MROH2A: variants seen among roughly 807,000 people sequenced by gnomAD.
MROH2A encodes maestro heat like repeat family member 2A, also known as maestro heat-like repeat-containing protein family member 2A.
Under a neutral mutation model 200.4 loss-of-function variants are expected in MROH2A, and 174 were observed. That is an observed-to-expected ratio of 0.87 (90% confidence interval 0.77 to 0.98). The LOEUF (loss-of-function observed/expected upper bound fraction) is 0.98. Ranked by LOEUF, MROH2A falls within the 50% of genes least tolerant of loss-of-function variation. The pLI is 0.00. For synonymous variants in MROH2A, 829 were observed against 840.4 expected, an observed-to-expected ratio of 0.99 and a Z score of 0.23; for missense variants, 2,045 against 2,139.6, an observed-to-expected ratio of 0.96 and a Z score of 0.87.
At chr2:233,814,538 G>A (rs1703387005) in intron 25 of MROH2A, 44 bp from the exon 26 acceptor site, 1 of 1,433,818 alleles carries the variant, frequency 7.0e-7, no homozygotes, top group Non-Finnish European at 9.6e-7. Flanking sequence ...GGGGTTGTGG[G>A]TGCCCCTCAT....
rs1019652149 is a variant in MROH2A, at chr2:233,805,186, C to T, written c.2052+75C>T. ...GGTGAGGGAGTGGAGAGGATAACAC[C>T]GTGTGTGTGAGATCAGCTGGACCTG... On this transcript the variant is annotated intron_variant, in intron 19 of 41. Transcript: ENST00000389758. The T allele has an allele frequency of 6.8e-5, 67 of 978,610 alleles. No homozygotes were observed. The African/African-American group carries it at 7.8e-4, about 11-fold the overall frequency. The allele number at this position is 978,610 out of a possible 1,614,324, so 60.6% of individuals were successfully genotyped here.
rs11563102 is a variant in MROH2A at position 233,818,764 on chromosome 2, C to A, written c.3198C>A (p.Ile1066=). ...VEKIFCASSR[I]AKVVCMEFSC... is the part of the protein sequence containing the mutation. The stretch of plus-strand genomic sequence containing the variant: ...AGATCTTCTGTGCATCCTCCAGAAT[C>A]GCCAAGGTGACAGCCGGGGAGCCTG... The change falls in exon 29 of 42, where the codon ATC becomes ATA. Residue 1066 remains isoleucine (I), a synonymous_variant. Transcript: ENST00000389758. 0.026 allele frequency: 40,159 copies of A among 1,542,864 alleles called. 775 individuals are homozygous for A. The highest frequency in any genetic ancestry group is 0.088 in the Admixed American group (4,465 of 50,924).
chr2:233,806,938 C>G (rs1320738267), intron 19 of MROH2A, among the ~76,000 whole-genome samples: 1 of 152,206 alleles, frequency 6.6e-6, no homozygotes, highest in East Asian at 1.9e-4. Context: ...TATCCCCCAC[C>G]CCTTTCCTAC....
intron 14 of MROH2A, 65 bp from the exon 15 acceptor site, chr2:233,802,103 G>A (rs976171184): frequency 4.7e-6 from 7 of 1,476,838 alleles, no homozygotes; most frequent in Admixed American, 4.4e-5. Flanking sequence ...GAGCCTGACT[G>A]TTCTCCTTAG....
Position 233,798,902 on chromosome 2 carries a change from G to A in MROH2A, c.1329+52G>A, listed in dbSNP as rs900034727. The A allele has an allele frequency of 6.3e-6, 9 of 1,433,788 alleles. No homozygotes were observed. The African/African-American group carries it at 1.1e-4, about 18-fold the overall frequency. 88.8% of individuals were successfully genotyped at this position (1,433,788 alleles called of 1,614,324 possible). A position where few individuals can be genotyped will look rare whatever the true frequency, so the allele number is the denominator to read the frequency against. On this transcript the variant is annotated intron_variant, in intron 12 of 41. Transcript: ENST00000389758. The stretch of plus-strand genomic sequence containing the variant: ...GGGGCACTCAGGGGACCCTGCCAGG[G>A]AGGCAAAGGGAAGTCTGGGCTCTGG...
intron 15 of MROH2A, 136 bp downstream of exon 15, chr2:233,802,451 T>A: frequency 1.1e-6 from 1 of 934,990 alleles, no homozygotes; most frequent in Non-Finnish European, 1.6e-6. Flanking sequence ...AAATTAATAC[T>A]ATTAATGCCT....
At chr2:233,813,809 G>A (rs1229504451) in intron 25 of MROH2A, 31 bp downstream of exon 25, 4 of 1,292,436 alleles carry the variant, frequency 3.1e-6, no homozygotes, top group Admixed American at 4.0e-5. Flanking sequence ...TCATTTGCTG[G>A]GTCAGGACCT....
At chr2:233,811,734 A>G in intron 23 of MROH2A, 146 bp from the exon 24 acceptor site, 1 of 642,618 alleles carries the variant, frequency 1.6e-6, no homozygotes, top group African/African-American at 1.8e-5. Flanking sequence ...CTAAGATGCC[A>G]AAAGCCAAAT....
At position 233,819,397 on chromosome 2, in the gene MROH2A, G is replaced by A. The variant is rs1177405207; in HGVS notation, c.3285G>A (p.Leu1095=). 1 of 1,550,584 alleles carries A rather than the reference G, an allele frequency of 6.4e-7. No homozygotes were observed. The highest frequency in any genetic ancestry group is 8.7e-7 in the Non-Finnish European group (1 of 1,146,956). The change falls in exon 30 of 42, where the codon CTG becomes CTA. Residue 1095 remains leucine (L), a synonymous_variant. Transcript: ENST00000389758. ...KLCENTGAMN[L]QHDKASVTWI... ...GCGAGAACACTGGGGCCATGAACCT[G>A]CAGCATGACAAGGCCTCTGTCACCT...
intron 3 of MROH2A, among the ~76,000 whole-genome samples, chr2:233,783,942 T>A (rs1221234059): frequency 6.6e-6 from 1 of 152,176 alleles, no homozygotes; most frequent in Non-Finnish European, 1.5e-5. Flanking sequence ...TCTTTTTTTT[T>A]TATTTATTTA....
chr2:233,818,736 A>G lies in MROH2A; in HGVS notation c.3170A>G (p.Glu1057Gly), dbSNP rs1251263568. Residue 1057 changes from glutamate to glycine, a missense_variant, in exon 29 of 42, where the codon GAG becomes GGG. Physicochemically the swap from Glu to Gly is moderately conservative, Grantham distance 98 (BLOSUM62 -2). Around this residue, in one of 3 missense-constraint regions of MROH2A, gnomAD observed 1,201 missense variants for 1,311.3 expected, o/e 0.92. Transcript: ENST00000389758. Reference protein sequence around the residue: ...CKGDLQSTDVEKIFCASSRIA... With the variant: ...CKGDLQSTDVGKIFCASSRIA... Reference sequence around the variant, plus strand: ...GGGGACCTCCAGAGCACAGATGTGGAGAAGATCTTCTGTGCATCCTCCAGA... The same window carrying G: ...GGGGACCTCCAGAGCACAGATGTGGGGAAGATCTTCTGTGCATCCTCCAGA... The G allele has an allele frequency of 6.5e-7, 1 of 1,549,484 alleles. No homozygotes were observed. Among genetic ancestry groups the G allele is most frequent in the South Asian group, 1.2e-5 (1 of 84,014 alleles).
At position 233,824,652 on chromosome 2, in the gene MROH2A, C is replaced by T. The variant is rs28900692; in HGVS notation, c.4113+988C>T. Among the ~76,000 whole-genome samples the T allele has an allele frequency of 1.1e-4, 16 of 152,356 alleles. No individual in the cohort carries two copies. The East Asian group carries it at 3.1e-3, about 29-fold the overall frequency. On this transcript the variant is annotated intron_variant, in intron 35 of 41. Coordinates refer to ENST00000389758, the MANE Select transcript of MROH2A (RefSeq NM_001394639.1). ...GATGAAGTTACTTAGCGTCTCTGAG[C>T]TTCAAGCTCTCCATCTGCCCAACTG...
Position 233,819,315 on chromosome 2 carries a change from A to T in MROH2A, c.3205-2A>T, listed in dbSNP as rs1450057705. On this transcript the variant is annotated splice_acceptor_variant, in intron 29 of 41. Transcript: ENST00000389758. LOFTEE classifies it high-confidence loss of function. ...CAGGGGAGTCACCCGCTCTGCTCCT[A>T]GGTGGTCTGCATGGAGTTTAGCTGC... 9 of 1,549,700 alleles carry T rather than the reference A, an allele frequency of 5.8e-6. No individual in the cohort carries two copies. The highest frequency in any genetic ancestry group is 7.9e-6 in the Non-Finnish European group (9 of 1,146,482).
chr2:233,813,520 C>G, intron 24 of MROH2A, 150 bp from the exon 25 acceptor site: 1 of 597,604 alleles, frequency 1.7e-6, no homozygotes, highest in Non-Finnish European at 3.0e-6. Flanking sequence ...AGCCAGGGCC[C>G]CTGGGGAGGG....
intron 3 of MROH2A, among the ~76,000 whole-genome samples, chr2:233,788,029 TTA>T (rs1307536353): frequency 4.3e-5 from 3 of 69,318 alleles, no homozygotes; most frequent in Non-Finnish European, 7.0e-5. Context: ...TATACATATA[TTA>T]TATATATACA....
intron 16 of MROH2A, 51 bp downstream of exon 16, chr2:233,803,539 G>A: frequency 1.9e-6 from 3 of 1,541,890 alleles, no homozygotes; most frequent in East Asian, 2.4e-5. Flanking sequence ...CATGCCCTGT[G>A]GCACCTCTTC....
intron 28 of MROH2A, among the ~76,000 whole-genome samples, 166 bp downstream of exon 28, chr2:233,818,291 C>T (rs916951734): frequency 1.1e-4 from 16 of 152,110 alleles, no homozygotes; most frequent in African/African-American, 2.4e-5. Context: ...GGAGAGTTCA[C>T]CAACAGGCCA....
chr2:233,775,742 TAG>T (rs1700686033), upstream of MROH2A: 1 of 152,274 alleles, frequency 6.6e-6, no homozygotes, highest in Non-Finnish European at 1.5e-5. Flanking sequence ...ATCCACCCTG[TAG>T]AGACTGCCTC....
Position 233,828,033 on chromosome 2 carries a change from A to G in MROH2A, c.4114-597A>G, listed in dbSNP as rs1390338376. Reference sequence around the variant, plus strand: ...GCTGGAGGTGGACTGAGGTGGAGACAAAACATTTGGAAGCTTAGAGCAACT... The same window carrying G: ...GCTGGAGGTGGACTGAGGTGGAGACGAAACATTTGGAAGCTTAGAGCAACT... On this transcript the variant is annotated intron_variant, in intron 35 of 41. Transcript: ENST00000389758. This position sits in a 1 kb window ranked among gnomAD's most constrained non-coding sequence, Gnocchi z 4.6. Among the ~76,000 whole-genome samples, 1 of 152,204 alleles carries G rather than the reference A, an allele frequency of 6.6e-6. No individual in the cohort carries two copies. The highest frequency in any genetic ancestry group is 1.5e-5 in the Non-Finnish European group (1 of 68,030).
Sources: gnomAD v4.1 joint callset for allele counts (sites outside exome capture counted in the v4.1 genomes callset) on GRCh38, gnomAD v4.1.1 for gene constraint, gnomAD v4.1.1 regional missense constraint, Gnocchi (gnomAD v3.1) non-coding constraint, MANE v1.5 for transcripts, NCBI Gene and HGNC (gene_info 2026-07-23, HGNC 2026-07-21) for gene names.